Variants in SRPK2 observed in about 807,000 individuals in gnomAD.
SRPK2 encodes SRSF protein kinase 2.
Under a neutral mutation model 90.8 loss-of-function variants are expected in SRPK2, and 21 were observed. The ratio of observed to expected loss-of-function variants is 0.23; its 90% CI spans 0.16 to 0.33. The LOEUF (loss-of-function observed/expected upper bound fraction) is 0.33, where lower values mean the gene tolerates loss of function less well. Among genes scored for constraint, SRPK2 ranks in the 10% least tolerant of loss-of-function variants. SRPK2 has a pLI of 1.00. For missense variants in SRPK2, 620 were observed against 869.0 expected, an observed-to-expected ratio of 0.71 and a Z score of 3.60; for synonymous variants, 288 against 311.1, an observed-to-expected ratio of 0.93 and a Z score of 0.78.
intron 7 of SRPK2, among the ~76,000 whole-genome samples, chr7:105,156,304 G>A (rs547410268): frequency 3.3e-5 from 5 of 152,200 alleles, no homozygotes; most frequent in African/African-American, 1.2e-4. Context: ...TAACCTCTCT[G>A]GGCTTCTGTT....
intron 2 of SRPK2, among the ~76,000 whole-genome samples, chr7:105,276,714 G>A (rs1323831177): frequency 6.6e-6 from 1 of 152,096 alleles, no homozygotes; most frequent in Non-Finnish European, 1.5e-5. Context: ...CTCCACTCTG[G>A]GCAACAGAGC....
chr7:105,264,353 T>TAC (rs1804753470), intron 2 of SRPK2, among the ~76,000 whole-genome samples: 2 of 152,280 alleles, frequency 1.3e-5, no homozygotes, highest in African/African-American at 4.8e-5. Flanking sequence ...ACAATTAAAA[T>TAC]ACACACACAA....
intron 9 of SRPK2, 137 bp from the exon 10 acceptor site, chr7:105,143,467 A>G: frequency 8.9e-7 from 1 of 1,119,682 alleles, no homozygotes; most frequent in African/African-American, 1.6e-5. Flanking sequence ...ACCCAGACAG[A>G]TCCACTTTGT....
At position 105,167,449 on chromosome 7, in the gene SRPK2, G is replaced by C; in HGVS notation, c.442C>G (p.Pro148Ala). ...KLLKCVRESD[P>A]SDPNKDMVVQ... ...ACCATGTCTTTGTTTGGGTCACTGG[G>C]ATCACTTTCTCGAACCTATGCCAAG... Residue 148 changes from proline (P) to alanine (A), a missense_variant, in exon 6 of 16, where the codon CCC becomes GCC. Coordinates refer to ENST00000393651, the MANE Select transcript of SRPK2 (RefSeq NM_182692.3). 1 of 1,613,394 alleles carries C rather than the reference G, an allele frequency of 6.2e-7. No homozygotes were observed.
chr7:105,211,653 A>T (rs1796878116), intron 2 of SRPK2, among the ~76,000 whole-genome samples: 1 of 151,990 alleles, frequency 6.6e-6, no homozygotes, highest in Non-Finnish European at 1.5e-5. Flanking sequence ...GTGGAAATCT[A>T]CCCCCATGAT....
chr7:105,187,608 A>G (rs2129602821), intron 3 of SRPK2, among the ~76,000 whole-genome samples: 1 of 152,296 alleles, frequency 6.6e-6, no homozygotes, highest in South Asian at 2.1e-4. Flanking sequence ...TTCCGTCTTG[A>G]AAACTCTTTT....
intron 2 of SRPK2, among the ~76,000 whole-genome samples, chr7:105,306,820 G>A (rs1421745218): frequency 6.6e-6 from 1 of 152,074 alleles, no homozygotes; most frequent in Non-Finnish European, 1.5e-5. Context: ...TTTTGTAGAA[G>A]AAAACAATAC....
chr7:105,176,660 CATATAT>C, intron 3 of SRPK2, among the ~76,000 whole-genome samples: 1 of 132,984 alleles, frequency 7.5e-6, no homozygotes, highest in African/African-American at 3.0e-5. Context: ...GTTTTACATA[CATATAT>C]ATAGATGTAT....
intron 2 of SRPK2, among the ~76,000 whole-genome samples, chr7:105,283,836 C>T (rs1563190381): frequency 1.4e-5 from 2 of 146,772 alleles, no homozygotes; most frequent in Admixed American, 1.4e-4. Context: ...ACAAAAAATA[C>T]AAAAAAAAAA....
At chr7:105,170,967 GAGAA>G (rs1192228650) in intron 3 of SRPK2, among the ~76,000 whole-genome samples, 4 of 74,476 alleles carry the variant, frequency 5.4e-5, no homozygotes, top group East Asian at 5.5e-4. Flanking sequence ...AAGAAAGAAA[GAGAA>G]AGAAAGAGAA....
chr7:105,331,996 A>G (rs752645108), intron 2 of SRPK2, among the ~76,000 whole-genome samples: 1 of 152,076 alleles, frequency 6.6e-6, no homozygotes, highest in African/African-American at 2.4e-5. Flanking sequence ...CCATTTCTAA[A>G]AGAAAAAAAG....
chr7:105,265,158 G>C (rs144960434), intron 2 of SRPK2, among the ~76,000 whole-genome samples: 7 of 151,808 alleles, frequency 4.6e-5, no homozygotes, highest in African/African-American at 1.7e-4. Context: ...CTCAGAACTG[G>C]TATCTAGACT....
chr7:105,174,244 C>A (rs370169897), intron 3 of SRPK2, among the ~76,000 whole-genome samples: 1 of 152,024 alleles, frequency 6.6e-6, no homozygotes, highest in Non-Finnish European at 1.5e-5. Flanking sequence ...TAAGAAGACT[C>A]CAAAGAAGAA....
chr7:105,230,126 T>C (rs2237615), intron 2 of SRPK2, among the ~76,000 whole-genome samples: 28,037 of 152,162 alleles, frequency 0.18, 3,250 homozygotes, highest in East Asian at 0.58. Flanking sequence ...ATGCTCATCC[T>C]GAGCAAAGCA....
intron 2 of SRPK2, among the ~76,000 whole-genome samples, chr7:105,256,298 G>A (rs1803297051): frequency 6.6e-6 from 1 of 151,858 alleles, no homozygotes; most frequent in East Asian, 1.9e-4. Flanking sequence ...TTATTGTTAA[G>A]GCTGTTTTGA....
intron 2 of SRPK2, among the ~76,000 whole-genome samples, chr7:105,276,046 A>C (rs1030341442): frequency 6.6e-6 from 1 of 151,802 alleles, no homozygotes; most frequent in Non-Finnish European, 1.5e-5. Flanking sequence ...CCACAAACTT[A>C]ATTTTGTTTG....
chr7:105,310,269 G>C (rs180926677), intron 2 of SRPK2, among the ~76,000 whole-genome samples: 83 of 152,280 alleles, frequency 5.5e-4, no homozygotes, highest in Non-Finnish European at 9.1e-4. Flanking sequence ...ATAGGTAGCA[G>C]ATAAAACCAT....
chr7:105,259,112 T>C (rs1430022815), intron 2 of SRPK2, among the ~76,000 whole-genome samples: 1 of 152,212 alleles, frequency 6.6e-6, no homozygotes, highest in Non-Finnish European at 1.5e-5. Context: ...TGTTTGCAGA[T>C]GACATGATTG....
At chr7:105,126,792 G>A (rs996088001) in intron 14 of SRPK2, among the ~76,000 whole-genome samples, 3 of 152,190 alleles carry the variant, frequency 2.0e-5, no homozygotes, top group African/African-American at 4.8e-5. Context: ...CTGAGGGCTC[G>A]CTGGAGTGCT....
Sources: gnomAD v4.1 joint callset for allele counts (sites outside exome capture counted in the v4.1 genomes callset) on GRCh38, gnomAD v4.1.1 for gene constraint, MANE v1.5 for transcripts, NCBI Gene and HGNC (gene_info 2026-07-23, HGNC 2026-07-21) for gene names.